ARHGAP19: variants seen among roughly 807,000 people sequenced by gnomAD.
The protein encoded by ARHGAP19 is Rho GTPase activating protein 19.
Under a neutral mutation model 60.9 loss-of-function variants are expected in ARHGAP19, and 48 were observed. That is an observed-to-expected ratio of 0.79 (90% CI 0.62 to 1.00). The LOEUF (loss-of-function observed/expected upper bound fraction) is 1.00, where lower values mean the gene tolerates loss of function less well. Among genes scored for constraint, ARHGAP19 ranks in the 50% least tolerant of loss-of-function variants. The pLI, the probability that ARHGAP19 is intolerant of heterozygous loss-of-function variation, is 0.00. For missense variants in ARHGAP19, 562 were observed against 597.2 expected, an observed-to-expected ratio of 0.94 and a Z score of 0.61; for synonymous variants, 209 against 215.5, an observed-to-expected ratio of 0.97 and a Z score of 0.27.
chr10:97,248,933 G>A (rs927708697), intron 6 of ARHGAP19, among the ~76,000 whole-genome samples: 2 of 152,036 alleles, frequency 1.3e-5, no homozygotes, highest in Non-Finnish European at 2.9e-5. Flanking sequence ...TCCTACCACC[G>A]TAGCCTCTGA....
intron 7 of ARHGAP19, among the ~76,000 whole-genome samples, chr10:97,244,975 C>G (rs553983969): frequency 2.0e-5 from 3 of 151,562 alleles, no homozygotes; most frequent in Admixed American, 1.3e-4. Flanking sequence ...GGAAGAGACC[C>G]AAGCAGGCAC....
intron 6 of ARHGAP19, among the ~76,000 whole-genome samples, chr10:97,247,370 C>T (rs1209495085): frequency 6.6e-6 from 1 of 152,100 alleles, no homozygotes; most frequent in African/African-American, 2.4e-5. Flanking sequence ...GTGACAACTA[C>T]CCTGATACTG....
intron 8 of ARHGAP19, among the ~76,000 whole-genome samples, chr10:97,239,578 G>T (rs541682604): frequency 1.3e-5 from 2 of 150,766 alleles, no homozygotes; most frequent in African/African-American, 2.5e-5. Context: ...GTGTGTGTGT[G>T]TGTGTGTGTG....
rs1417058430 is a variant in ARHGAP19, at chr10:97,225,978, C to G, written c.*144G>C. ...ATCCAGTGAGTGGGGTTAGAGGTAT[C>G]AGTCGGGTCACGGTATTAGTTGGCT... On this transcript the variant is annotated 3_prime_UTR_variant, in exon 12 of 12. Coordinates refer to ENST00000358531, the MANE Select transcript of ARHGAP19 (RefSeq NM_032900.6). 3.9e-6 allele frequency: 3 copies of G among 774,214 alleles called. No homozygotes were observed. The highest frequency in any genetic ancestry group is 4.2e-6 in the Non-Finnish European group (2 of 472,486). The allele number at this position is 774,214 out of a possible 1,614,324, so 48.0% of individuals were successfully genotyped here. A position where few individuals can be genotyped will look rare whatever the true frequency, so the allele number is the denominator to read the frequency against.
intron 8 of ARHGAP19, among the ~76,000 whole-genome samples, chr10:97,242,962 C>A (rs1254182295): frequency 6.6e-6 from 1 of 152,140 alleles, no homozygotes; most frequent in Admixed American, 6.6e-5. Flanking sequence ...TATCAGTGTT[C>A]TTGTTGAAAG....
chr10:97,259,922 G>A lies in ARHGAP19; in HGVS notation c.614-294C>T, dbSNP rs981416066. 3.3e-5 allele frequency among the ~76,000 whole-genome samples: 5 copies of A among 151,864 alleles called. No individual in the cohort carries two copies. The South Asian group carries it at 6.3e-4, about 19-fold the overall frequency. On this transcript the variant is annotated intron_variant, in intron 4 of 11. Transcript: ENST00000358531. ...ACAATCTCAGCTCATTGCAACCTCC[G>A]CCTCCCGGGTTCAAGCGATTCTCCT...
chr10:97,234,196 G>T (rs190119695), intron 9 of ARHGAP19, among the ~76,000 whole-genome samples: 1 of 151,996 alleles, frequency 6.6e-6, no homozygotes, highest in East Asian at 1.9e-4. Flanking sequence ...GAACCCAAGA[G>T]GGGGAGGTTG....
At position 97,264,813 on chromosome 10, in the gene ARHGAP19, CA is replaced by C; in HGVS notation, c.403+12del. 6.3e-7 allele frequency: 1 copy of C among 1,589,626 alleles called. No homozygotes were observed. Among genetic ancestry groups the C allele is most frequent in the Non-Finnish European group, 8.6e-7 (1 of 1,159,690 alleles). On this transcript the variant is annotated intron_variant, in intron 3 of 11. Coordinates refer to ENST00000358531, the MANE Select transcript of ARHGAP19 (RefSeq NM_032900.6). ...CATTAAACAAAGAATGATAAAATTTCAAGTAGTCTTACTTTTGTGTAGATAC... is the reference window on the plus strand; with the variant it reads ...CATTAAACAAAGAATGATAAAATTTCAGTAGTCTTACTTTTGTGTAGATAC...
At chr10:97,233,941 TG>T (rs1190535674) in intron 9 of ARHGAP19, among the ~76,000 whole-genome samples, 4 of 75,430 alleles carry the variant, frequency 5.3e-5, no homozygotes, top group African/African-American at 2.1e-4. Context: ...TGGGGCCTGT[TG>T]GGGGGTGGAG....
rs747064780 is a variant in ARHGAP19, at chr10:97,235,198, G to T, written c.1284+19C>A. ...TTTCCTAAAAATCAATGCTGAAAAC[G>T]ACAGCCCAGCATACCTACCTTAATA... On this transcript the variant is annotated intron_variant, in intron 9 of 11. Transcript: ENST00000358531. 6.4e-7 allele frequency: 1 copy of T among 1,568,958 alleles called. No individual in the cohort carries two copies. The highest frequency in any genetic ancestry group is 1.2e-5 in the South Asian group (1 of 86,346).
chr10:97,254,898 A>G (rs1842733066), intron 6 of ARHGAP19, among the ~76,000 whole-genome samples: 1 of 152,208 alleles, frequency 6.6e-6, no homozygotes, highest in African/African-American at 2.4e-5. Flanking sequence ...AAGGAAGGAA[A>G]TCCTGTCACA....
intron 11 of ARHGAP19, 180 bp downstream of exon 11, chr10:97,228,967 G>A: frequency 7.1e-6 from 5 of 705,870 alleles, no homozygotes; most frequent in Non-Finnish European, 1.3e-5. Flanking sequence ...CCAAGACAAT[G>A]CTGAGTAAAT....
In ARHGAP19 at chr10:97,290,264, T is replaced by C. The variant is rs566196148; in HGVS notation, c.56+2308A>G. 6.1e-3 allele frequency among the ~76,000 whole-genome samples: 858 copies of C among 140,234 alleles called. 4 individuals carry two copies. The highest frequency in any genetic ancestry group is 9.4e-3 in the Non-Finnish European group (567 of 60,120). The allele number at this position is 140,234 out of a possible 152,430, so 92.0% of individuals were successfully genotyped here. On this transcript the variant is annotated intron_variant, in intron 1 of 11. Transcript: ENST00000358531. ...CCGCTGTCGCAGACCCGCCGCTGAC[T>C]CCCATCCCGCTGCTGACTCCCATCC...
At chr10:97,239,310 T>C (rs935373454) in intron 8 of ARHGAP19, among the ~76,000 whole-genome samples, 9 of 151,888 alleles carry the variant, frequency 5.9e-5, no homozygotes, top group African/African-American at 2.2e-4. Context: ...CTGGCCAACA[T>C]GGTGAAACCC....
intron 8 of ARHGAP19, among the ~76,000 whole-genome samples, chr10:97,239,145 T>C (rs1257649639): frequency 5.9e-5 from 9 of 152,114 alleles, no homozygotes; most frequent in Admixed American, 2.0e-4. Flanking sequence ...TGAAATCACC[T>C]AAAAACACAT....
At chr10:97,236,803 G>GAAA (rs71007323) in intron 8 of ARHGAP19, among the ~76,000 whole-genome samples, 342 of 79,598 alleles carry the variant, frequency 4.3e-3, no homozygotes, top group Middle Eastern at 0.016. Flanking sequence ...AACAGACTCA[G>GAAA]AAAAAAAAAA....
chr10:97,252,237 G>A (rs990354436), intron 6 of ARHGAP19, among the ~76,000 whole-genome samples: 5 of 152,018 alleles, frequency 3.3e-5, no homozygotes, highest in African/African-American at 1.2e-4. Context: ...CAGCTAACCA[G>A]GAGGCTGAAG....
rs140658896 is a variant in ARHGAP19, at chr10:97,267,578, G to T, written c.57-1453C>A. Among the ~76,000 whole-genome samples the T allele has an allele frequency of 1.9e-3, 288 of 152,194 alleles. 1 individual carries two copies. Among genetic ancestry groups the T allele is most frequent in the Middle Eastern group, 3.4e-3 (1 of 294 alleles). On this transcript the variant is annotated intron_variant, in intron 1 of 11. Coordinates refer to ENST00000358531, the MANE Select transcript of ARHGAP19 (RefSeq NM_032900.6). Reference sequence around the variant, plus strand: ...GCCCTAGCAGAGGTTCTCCATGAGAGCTCCAACCCTGCAGCACACCTCTGC... The same window carrying T: ...GCCCTAGCAGAGGTTCTCCATGAGATCTCCAACCCTGCAGCACACCTCTGC...
chr10:97,235,900 A>C (rs188482426), intron 8 of ARHGAP19, among the ~76,000 whole-genome samples: 1 of 152,262 alleles, frequency 6.6e-6, no homozygotes, highest in East Asian at 1.9e-4. Context: ...TTGATTAGCC[A>C]TTCATTTCCC....
Sources: allele counts gnomAD v4.1 joint callset (sites outside exome capture counted in the v4.1 genomes callset), GRCh38; gene constraint gnomAD v4.1.1; transcripts MANE v1.5; gene names NCBI Gene and HGNC (gene_info 2026-07-23, HGNC 2026-07-21).